LCMT1: variants seen among roughly 807,000 people sequenced by gnomAD.
LCMT1 encodes leucine carboxyl methyltransferase 1, also known as [Phosphatase 2A protein]-leucine-carboxy methyltransferase 1.
In LCMT1, 32 loss-of-function variants were observed where a neutral mutation model predicts 47.7. That is an observed-to-expected ratio of 0.67 (90% confidence interval 0.51 to 0.90). The LOEUF (loss-of-function observed/expected upper bound fraction) is 0.90. Among genes scored for constraint, LCMT1 ranks in the 40% least tolerant of loss-of-function variants. The pLI is 0.00. For synonymous variants in LCMT1, 152 were observed against 149.7 expected (o/e 1.02, Z -0.11); for missense variants, 375 against 415.2 (o/e 0.90, Z 0.84).
rs2141615211 is a variant in LCMT1 at position 25,111,811 on chromosome 16, C to T, written c.-73C>T. 2 of 998,502 alleles carry T rather than the reference C, an allele frequency of 2.0e-6. No homozygotes were observed. The highest frequency in any genetic ancestry group is 3.1e-6 in the Non-Finnish European group (2 of 647,908). The allele number at this position is 998,502 out of a possible 1,614,324, so 61.9% of individuals were successfully genotyped here. A position where few individuals can be genotyped will look rare whatever the true frequency, so the allele number is the denominator to read the frequency against. On this transcript the variant is annotated 5_prime_UTR_variant, in exon 1 of 11. Coordinates refer to ENST00000399069, the MANE Select transcript of LCMT1 (RefSeq NM_016309.3). The stretch of plus-strand genomic sequence containing the variant: ...TCTGTTGCTTTCTCCCTGTGGCTCG[C>T]GCCGTCCCCCGCCGCCCGTCGACCC...
chr16:25,130,578 C>T (rs535820548), intron 2 of LCMT1, among the ~76,000 whole-genome samples: 2 of 151,984 alleles, frequency 1.3e-5, no homozygotes, highest in Non-Finnish European at 2.9e-5. Context: ...CTCAGGCAAT[C>T]AAAGCTGCAG....
chr16:25,170,011 G>A (rs1961707255), intron 8 of LCMT1, among the ~76,000 whole-genome samples: 1 of 152,084 alleles, frequency 6.6e-6, no homozygotes, highest in South Asian at 2.1e-4. Context: ...CCTGAGTTCA[G>A]GAGTTCGACA....
At chr16:25,175,057 C>T (rs1381541720) in intron 10 of LCMT1, 23 bp downstream of exon 10, 8 of 1,350,818 alleles carry the variant, frequency 5.9e-6, no homozygotes, top group Non-Finnish European at 8.4e-6. Context: ...ACTTTTCTTG[C>T]CTTGACCTGG....
intron 5 of LCMT1, chr16:25,158,901 T>G (rs1471258505): frequency 6.6e-6 from 1 of 152,222 alleles, no homozygotes; most frequent in African/African-American, 2.4e-5. Flanking sequence ...TGTCCAGTGC[T>G]TCCCATGTGG....
At chr16:25,161,554 C>G (rs1961434988) in intron 6 of LCMT1, among the ~76,000 whole-genome samples, 1 of 151,998 alleles carries the variant, frequency 6.6e-6, no homozygotes, top group Admixed American at 6.6e-5. Context: ...TGGGGTTTCT[C>G]CATGTAGTCA....
At chr16:25,143,494 A>G (rs1389082938) in intron 4 of LCMT1, 1 of 152,186 alleles carries the variant, frequency 6.6e-6, no homozygotes, top group Non-Finnish European at 1.5e-5. Flanking sequence ...TTGAGAAATT[A>G]CTTCCTTTAG....
At chr16:25,132,243 G>A (rs528563262) in intron 2 of LCMT1, 159 bp from the exon 3 acceptor site, 164 of 810,760 alleles carry the variant, frequency 2.0e-4, no homozygotes, top group Middle Eastern at 9.6e-4. Flanking sequence ...AAAAAAATTT[G>A]AAAGTTGCTG....
intron 1 of LCMT1, among the ~76,000 whole-genome samples, chr16:25,112,406 G>A (rs1959649899): frequency 1.3e-5 from 2 of 152,230 alleles, no homozygotes; most frequent in Admixed American, 6.5e-5. Flanking sequence ...TCCCTGTTGT[G>A]CACCTGAAAC....
At chr16:25,132,072 A>G (rs747901315) in intron 2 of LCMT1, 4 of 415,308 alleles carry the variant, frequency 9.6e-6, no homozygotes, top group Admixed American at 3.0e-5. Flanking sequence ...AGTGGCTTTC[A>G]TTATAGCCAT....
At chr16:25,115,003 TATGCAC>T (rs1358462816) in intron 1 of LCMT1, among the ~76,000 whole-genome samples, 1 of 152,170 alleles carries the variant, frequency 6.6e-6, no homozygotes, top group Non-Finnish European at 1.5e-5. Flanking sequence ...ACATGGAGCC[TATGCAC>T]GAGGCACTCA....
intron 9 of LCMT1, among the ~76,000 whole-genome samples, chr16:25,173,604 A>G (rs1390256191): frequency 6.6e-6 from 1 of 152,368 alleles, no homozygotes; most frequent in South Asian, 2.1e-4. Context: ...GCTATTGTGA[A>G]TAGTAGGAAT....
intron 5 of LCMT1, 42 bp from the exon 6 acceptor site, chr16:25,161,060 A>G (rs1331713717): frequency 4.1e-6 from 5 of 1,214,080 alleles, no homozygotes; most frequent in East Asian, 2.4e-5. Flanking sequence ...ACTTTGGAAA[A>G]GACATATTCA....
intron 5 of LCMT1, among the ~76,000 whole-genome samples, chr16:25,154,489 CTTTTTTTT>C (rs748304475): frequency 3.2e-5 from 4 of 123,754 alleles, no homozygotes; most frequent in Admixed American, 1.6e-4. Context: ...TGGATGTGTT[CTTTTTTTT>C]TTTTTTTTTT....
chr16:25,170,179 T>C (rs1247364269), intron 8 of LCMT1, among the ~76,000 whole-genome samples: 1 of 151,976 alleles, frequency 6.6e-6, no homozygotes, highest in Non-Finnish European at 1.5e-5. Flanking sequence ...AAAATCAAAC[T>C]ACTGTACTCC....
At chr16:25,124,926 T>TA (rs1960115604) in intron 1 of LCMT1, among the ~76,000 whole-genome samples, 1 of 152,204 alleles carries the variant, frequency 6.6e-6, no homozygotes. Flanking sequence ...TAAGTATTTT[T>TA]AAAAAGTGAG....
intron 2 of LCMT1, among the ~76,000 whole-genome samples, chr16:25,131,715 A>G (rs182080633): frequency 2.6e-4 from 39 of 151,976 alleles, no homozygotes; most frequent in African/African-American, 8.9e-4. Flanking sequence ...CCAACCCTCC[A>G]CCCGAAAACT....
At chr16:25,152,617 T>C (rs1961116795) in intron 5 of LCMT1, among the ~76,000 whole-genome samples, 1 of 152,186 alleles carries the variant, frequency 6.6e-6, no homozygotes, top group Admixed American at 6.5e-5. Context: ...TTCTAGCTTT[T>C]CTTGGAAAAA....
chr16:25,170,874 T>C, intron 9 of LCMT1, 69 bp downstream of exon 9: 2 of 984,036 alleles, frequency 2.0e-6, no homozygotes, highest in Non-Finnish European at 3.1e-6. Flanking sequence ...GCCTGTATTC[T>C]TTCATGCAGA....
intron 1 of LCMT1, 43 bp downstream of exon 1, chr16:25,112,039 G>A (rs1443504968): frequency 9.8e-6 from 13 of 1,323,324 alleles, no homozygotes; most frequent in African/African-American, 2.9e-5. Flanking sequence ...TCTGGGGCGC[G>A]GGCCTAGGTG....
Sources: allele counts gnomAD v4.1 joint callset (sites outside exome capture counted in the v4.1 genomes callset), GRCh38; gene constraint gnomAD v4.1.1; transcripts MANE v1.5; gene names NCBI Gene and HGNC (gene_info 2026-07-23, HGNC 2026-07-21).